ADGRV1: variants seen among roughly 807,000 people sequenced by gnomAD.
ADGRV1 encodes the protein adhesion G protein-coupled receptor V1.
Under a neutral mutation model 596.2 loss-of-function variants are expected in ADGRV1, and 359 were observed. The ratio of observed to expected loss-of-function variants is 0.60; its 90% CI spans 0.55 to 0.66. The LOEUF (loss-of-function observed/expected upper bound fraction) is 0.66, where lower values mean the gene tolerates loss of function less well. ADGRV1 is among the 30% of genes least tolerant of loss of function. The pLI, the probability that ADGRV1 is intolerant of heterozygous loss-of-function variation, is 0.00. For missense variants in ADGRV1, 7,274 were observed against 7,575.6 expected (o/e 0.96, Z 1.48); for synonymous variants, 2,681 against 2,679.2 (o/e 1.00, Z -0.02).
At chr5:90,742,309 G>A (rs1229689607) in intron 50 of ADGRV1, among the ~76,000 whole-genome samples, 1 of 152,168 alleles carries the variant, frequency 6.6e-6, no homozygotes, top group Non-Finnish European at 1.5e-5. Context: ...CTTACTTAAG[G>A]AAGAATCATT....
At chr5:90,789,982 A>T (rs566541582) in intron 69 of ADGRV1, 131 bp downstream of exon 69, 9 of 545,270 alleles carry the variant, frequency 1.7e-5, no homozygotes, top group Admixed American at 4.1e-5. Context: ...TTTCAGAGAA[A>T]CAGAGGCTTT....
chr5:90,734,297 T>C (rs576679635), intron 50 of ADGRV1, among the ~76,000 whole-genome samples: 57 of 152,320 alleles, frequency 3.7e-4, no homozygotes, highest in Non-Finnish European at 6.6e-4. Context: ...CAGAAGTGGG[T>C]ATTGCTGGAT....
chr5:90,801,939 A>T (rs1356281999), intron 70 of ADGRV1, among the ~76,000 whole-genome samples: 1 of 152,194 alleles, frequency 6.6e-6, no homozygotes, highest in Admixed American at 6.5e-5. Flanking sequence ...ATTTTTATTT[A>T]TCCAACATAA....
At chr5:90,575,846 C>G (rs1305089643) in intron 1 of ADGRV1, among the ~76,000 whole-genome samples, 1 of 152,150 alleles carries the variant, frequency 6.6e-6, no homozygotes, top group Non-Finnish European at 1.5e-5. Context: ...ACACCATTCT[C>G]CAGGGTCGCA....
intron 87 of ADGRV1, among the ~76,000 whole-genome samples, chr5:91,117,273 G>A (rs1792930105): frequency 6.6e-6 from 1 of 151,904 alleles, no homozygotes; most frequent in South Asian, 2.1e-4. Context: ...CATAACACTG[G>A]AAATCTTATA....
At chr5:90,932,752 T>C (rs1473771082) in intron 83 of ADGRV1, among the ~76,000 whole-genome samples, 1 of 152,100 alleles carries the variant, frequency 6.6e-6, no homozygotes, top group Non-Finnish European at 1.5e-5. Flanking sequence ...CAGAAAAAGC[T>C]TTCAGATTAA....
rs1745312538 is a variant in ADGRV1, at chr5:90,684,183, C to T, written c.6262C>T (p.Gln2088Ter). The T allele has an allele frequency of 1.2e-6, 2 of 1,609,558 alleles. No homozygotes were observed. The highest frequency in any genetic ancestry group is 1.7e-6 in the Non-Finnish European group (2 of 1,177,460). Residue 2088 changes from glutamine (Q) to a stop codon, truncating the protein, a stop_gained, in exon 28 of 90, where the codon CAG becomes TAG. Transcript: ENST00000405460. LOFTEE classifies it high-confidence loss of function. The part of the protein sequence containing the change: ...LLNSTLVAKV[Q>*]SRSIPNSPRL... ...CAACTCTACTTTAGTAGCGAAAGTACAGAGTCGTTCAAGTAAGTATCCCTT... is the reference window on the plus strand; with the variant it reads ...CAACTCTACTTTAGTAGCGAAAGTATAGAGTCGTTCAAGTAAGTATCCCTT...
chr5:90,725,729 G>T (rs1463304116), intron 48 of ADGRV1, 73 bp downstream of exon 48: 7 of 846,022 alleles, frequency 8.3e-6, no homozygotes, highest in South Asian at 3.0e-5. Context: ...ATTTACCAAA[G>T]GTATGGTCTG....
At position 91,064,168 on chromosome 5, in the gene ADGRV1, A is replaced by C. The variant is rs556410223; in HGVS notation, c.18153-8279A>C. Among the ~76,000 whole-genome samples the C allele has an allele frequency of 4.0e-4, 61 of 152,294 alleles. 1 individual carries two copies. Among genetic ancestry groups the C allele is most frequent in the African/African-American group, 1.4e-3 (60 of 41,566 alleles). On this transcript the variant is annotated intron_variant, in intron 85 of 89. Transcript: ENST00000405460. ...CAGTTAAATCAATAAGCATTTCTTAAGGATCTGATTGTGCAAAGCCCTGGG... is the reference window on the plus strand; with the variant it reads ...CAGTTAAATCAATAAGCATTTCTTACGGATCTGATTGTGCAAAGCCCTGGG...
chr5:90,964,522 C>T (rs1778287234), intron 83 of ADGRV1, among the ~76,000 whole-genome samples: 1 of 152,106 alleles, frequency 6.6e-6, no homozygotes, highest in East Asian at 1.9e-4. Context: ...CAATATTTGA[C>T]ACAGTAGTCA....
chr5:90,615,064 G>T, intron 2 of ADGRV1, 45 bp downstream of exon 2: 1 of 1,215,552 alleles, frequency 8.2e-7, no homozygotes, highest in Non-Finnish European at 1.1e-6. Flanking sequence ...TAGATATGAC[G>T]TTTCTTAGTT....
chr5:91,117,106 T>A (rs1354343448), intron 87 of ADGRV1, among the ~76,000 whole-genome samples: 1 of 152,174 alleles, frequency 6.6e-6, no homozygotes, highest in Non-Finnish European at 1.5e-5. Flanking sequence ...AAATCTAATA[T>A]GTAAGCATTT....
In ADGRV1 at chr5:90,777,928, T is replaced by G; in HGVS notation, c.12551T>G (p.Leu4184Trp). 6.2e-7 allele frequency: 1 copy of G among 1,611,778 alleles called. No homozygotes were observed. Among genetic ancestry groups the G allele is most frequent in the South Asian group, 1.1e-5 (1 of 90,724 alleles). Residue 4184 changes from leucine (L) to tryptophan (W), a missense_variant, in exon 62 of 90, where the codon TTG (leucine) becomes TGG (tryptophan). Coordinates refer to ENST00000405460, the MANE Select transcript of ADGRV1 (RefSeq NM_032119.4). ...IISLVRGPGI[L>W]GEVTVFWRIF... ...AGCCTTGTTCGAGGCCCAGGGATTT[T>G]GGGGGAGGTCACAGTGTTCTGGAGG... is the stretch of plus-strand genomic sequence containing the variant.
At position 90,683,638 on chromosome 5, in the gene ADGRV1, A is replaced by T; in HGVS notation, c.5717A>T (p.Asp1906Val). ...LSPVTLHWNIDSDPDGDLAFT... is the reference protein window; with the variant it reads ...LSPVTLHWNIVSDPDGDLAFT... Reference sequence around the variant, plus strand: ...CCAGTGACTTTGCATTGGAACATAGACTCTGATCCTGATGGTGATCTCGCC... The same window carrying T: ...CCAGTGACTTTGCATTGGAACATAGTCTCTGATCCTGATGGTGATCTCGCC... Residue 1906 changes from aspartate (D) to valine (V), a missense_variant, in exon 28 of 90, where the codon GAC becomes GTC. Physicochemically the swap from Asp to Val is radical, Grantham distance 152. This residue lies in a region of ADGRV1 where 3,643 missense variants were observed against 3,809.2 expected (regional missense o/e 0.96). Transcript: ENST00000405460. 1 of 1,611,344 alleles carries T rather than the reference A, an allele frequency of 6.2e-7. No homozygotes were observed. The highest frequency in any genetic ancestry group is 8.5e-7 in the Non-Finnish European group (1 of 1,177,776).
At chr5:90,686,026 A>C in intron 29 of ADGRV1, 31 bp downstream of exon 29, 1 of 1,399,866 alleles carries the variant, frequency 7.1e-7, no homozygotes, top group Non-Finnish European at 9.7e-7. Context: ...AGCAGTACAT[A>C]CAGAGGGATG....
chr5:90,988,704 A>C (rs1017208429), intron 85 of ADGRV1, among the ~76,000 whole-genome samples: 5 of 151,984 alleles, frequency 3.3e-5, no homozygotes, highest in Admixed American at 3.3e-4. Flanking sequence ...GGTTAGTTAC[A>C]TATGTATACA....
chr5:91,120,064 G>A lies in ADGRV1; in HGVS notation c.18432+17724G>A, dbSNP rs143227590. On this transcript the variant is annotated intron_variant, in intron 87 of 89. Coordinates refer to ENST00000405460, the MANE Select transcript of ADGRV1 (RefSeq NM_032119.4). The stretch of plus-strand genomic sequence containing the variant: ...CTAGAGAGCTACTGACAAGAACATA[G>A]CACTTACACCAGGTGATCACTTGGA... 4.1e-4 allele frequency among the ~76,000 whole-genome samples: 62 copies of A among 152,298 alleles called. 1 individual carries two copies. The highest frequency in any genetic ancestry group is 4.6e-4 in the Admixed American group (7 of 15,290).
chr5:90,902,135 GAT>G (rs1480557729), intron 83 of ADGRV1, among the ~76,000 whole-genome samples: 2 of 152,088 alleles, frequency 1.3e-5, no homozygotes, highest in Admixed American at 6.6e-5. Flanking sequence ...AGTCAAGGAA[GAT>G]CCCTGGGTTG....
rs1006301871 is a variant in ADGRV1, at chr5:90,703,687, G to C, written c.8178G>C (p.Val2726=). ...GHEGEILQFH[V]IRTFPGRGNV... is the part of the protein sequence containing the mutation. ...CAGGAGAAATTTTACAATTCCATGT[G>C]ATAAGAACTTTCCCTGGTCGAGGAA... Residue 2726 remains valine, a synonymous_variant, in exon 35 of 90, where the codon GTG becomes GTC. Transcript: ENST00000405460. The C allele has an allele frequency of 6.2e-7, 1 of 1,602,668 alleles. No individual in the cohort carries two copies. The highest frequency in any genetic ancestry group is 1.7e-4 in the Middle Eastern group (1 of 6,022).
Sources: gnomAD v4.1 joint callset for allele counts (sites outside exome capture counted in the v4.1 genomes callset) on GRCh38, gnomAD v4.1.1 for gene constraint, gnomAD v4.1.1 regional missense constraint, MANE v1.5 for transcripts, NCBI Gene and HGNC (gene_info 2026-07-23, HGNC 2026-07-21) for gene names.